The following MYCBP2 variants were observed in gnomAD, a reference collection of about 807,000 sequenced individuals.
MYCBP2 encodes the protein MYC binding protein 2.
In MYCBP2, 120 loss-of-function variants were observed where a neutral mutation model predicts 525.3. The ratio of observed to expected loss-of-function variants is 0.23; its 90% CI spans 0.20 to 0.27. The LOEUF (loss-of-function observed/expected upper bound fraction) is 0.27, where lower values mean the gene tolerates loss of function less well. Ranked by LOEUF, MYCBP2 falls within the 10% of genes least tolerant of loss-of-function variation. The probability of loss-of-function intolerance (pLI) is 1.00; values close to 1 mark genes in which losing one functional copy is unlikely to be tolerated. For synonymous variants in MYCBP2, 1,894 were observed against 1,955.8 expected (o/e 0.97, Z 0.83); for missense variants, 4,149 against 5,657.1 (o/e 0.73, Z 8.55).
intron 18 of MYCBP2, 138 bp downstream of exon 18, chr13:77,233,018 T>G (rs190049794): frequency 1.6e-6 from 1 of 611,006 alleles, no homozygotes; most frequent in Non-Finnish European, 2.8e-6. Context: ...ACTTTCAGAA[T>G]GTTCTTTCTC....
intron 68 of MYCBP2, among the ~76,000 whole-genome samples, chr13:77,073,194 T>C (rs2154090657): frequency 6.6e-6 from 1 of 152,222 alleles, no homozygotes; most frequent in African/African-American, 2.4e-5. Flanking sequence ...GTATACAAGC[T>C]AGTATCACAT....
chr13:77,127,770 G>A (rs995663671), intron 52 of MYCBP2, among the ~76,000 whole-genome samples: 5 of 151,696 alleles, frequency 3.3e-5, no homozygotes, highest in Non-Finnish European at 4.4e-5. Context: ...AGAATCCTCA[G>A]GTTTAAAAAT....
chr13:77,090,849 T>A (rs537168302), intron 59 of MYCBP2, among the ~76,000 whole-genome samples: 91 of 152,276 alleles, frequency 6.0e-4, no homozygotes, highest in African/African-American at 1.9e-3. Flanking sequence ...TTATTCAGGC[T>A]TAAGTAAACT....
chr13:77,168,572 C>A lies in MYCBP2; in HGVS notation c.5970G>T (p.Pro1990=), dbSNP rs189522156. The A allele has an allele frequency of 4.3e-6, 7 of 1,614,052 alleles. No individual in the cohort carries two copies. In the Admixed American group the frequency reaches 1.0e-4, roughly 23 times the overall value. ...SVAILNQKYA[P]PAFNPNQSTD... Reference sequence around the variant, plus strand: ...TCGACTGATTAGGGTTGAAGGCAGGCGGTGCATACTTCTGATTCAAAATGG... The same window carrying A: ...TCGACTGATTAGGGTTGAAGGCAGGAGGTGCATACTTCTGATTCAAAATGG... Residue 1990 remains proline (P), a synonymous_variant, in exon 40 of 83, where the codon CCG becomes CCT. Coordinates refer to ENST00000544440, the MANE Select transcript of MYCBP2 (RefSeq NM_015057.5).
At chr13:77,139,599 C>T (rs1399975775) in intron 51 of MYCBP2, among the ~76,000 whole-genome samples, 1 of 152,142 alleles carries the variant, frequency 6.6e-6, no homozygotes, top group Non-Finnish European at 1.5e-5. Flanking sequence ...CTTTAAGATA[C>T]ATAAACAGTA....
Position 77,257,778 on chromosome 13 carries a change from T to C in MYCBP2, c.2069A>G (p.Lys690Arg). Reference protein sequence around the residue: ...GHFVTQVAMGKAHTCVLMKNG... With the variant: ...GHFVTQVAMGRAHTCVLMKNG... ...CTTCATTAAAACACAAGTGTGAGCT[T>C]TGCCCATAGCTACCTGAGTTACAAA... The change falls in exon 14 of 83, where the codon AAA (lysine) becomes AGA (arginine). Residue 690 changes from lysine (K) to arginine (R), a missense_variant. By Grantham distance (26) the Lys-to-Arg change is conservative. Transcript: ENST00000544440. 1 of 1,613,210 alleles carries C rather than the reference T, an allele frequency of 6.2e-7. No homozygotes were observed. Among genetic ancestry groups the C allele is most frequent in the Non-Finnish European group, 8.5e-7 (1 of 1,179,686 alleles).
chr13:77,240,537 G>C (rs2068661735), intron 17 of MYCBP2, among the ~76,000 whole-genome samples: 1 of 152,188 alleles, frequency 6.6e-6, no homozygotes, highest in Non-Finnish European at 1.5e-5. Flanking sequence ...GAACCTGGGA[G>C]GGAGAGGTTG....
intron 26 of MYCBP2, among the ~76,000 whole-genome samples, chr13:77,196,610 A>C (rs2061781281): frequency 1.3e-5 from 2 of 152,228 alleles, no homozygotes; most frequent in South Asian, 4.1e-4. Flanking sequence ...TGTAAAAGAA[A>C]GAGTAGAATC....
chr13:77,157,362 T>C (rs1300930358), intron 45 of MYCBP2, among the ~76,000 whole-genome samples: 1 of 152,212 alleles, frequency 6.6e-6, no homozygotes, highest in African/African-American at 2.4e-5. Flanking sequence ...TAGCTGGGAC[T>C]ACAGGAGTGT....
At chr13:77,254,359 T>C (rs951235954) in intron 14 of MYCBP2, among the ~76,000 whole-genome samples, 1 of 151,854 alleles carries the variant, frequency 6.6e-6, no homozygotes, top group African/African-American at 2.4e-5. Context: ...TATGGGGCAC[T>C]TGAATCTTAT....
intron 26 of MYCBP2, among the ~76,000 whole-genome samples, chr13:77,198,755 C>G (rs1172056803): frequency 1.3e-5 from 2 of 152,180 alleles, no homozygotes; most frequent in African/African-American, 4.8e-5. Context: ...TCTCACTCCT[C>G]CCGGTCTCCA....
chr13:77,208,437 G>T (rs2063601488), intron 23 of MYCBP2, among the ~76,000 whole-genome samples: 1 of 152,048 alleles, frequency 6.6e-6, no homozygotes, highest in Non-Finnish European at 1.5e-5. Flanking sequence ...CTGTAGCATT[G>T]TAGGTAGTAT....
In MYCBP2 at chr13:77,089,479, T is replaced by G. The variant is rs569264365; in HGVS notation, c.10526-448A>C. Reference sequence around the variant, plus strand: ...AAAAGTCTTCAGTAAGATAACTTAATCATCTGACTATAATTTTTAGGCCAA... The same window carrying G: ...AAAAGTCTTCAGTAAGATAACTTAAGCATCTGACTATAATTTTTAGGCCAA... On this transcript the variant is annotated intron_variant, in intron 60 of 82. Transcript: ENST00000544440. Among the ~76,000 whole-genome samples the G allele has an allele frequency of 2.8e-4, 43 of 152,258 alleles. 1 individual carries two copies. The South Asian group carries it at 6.2e-3, about 22-fold the overall frequency.
chr13:77,309,612 G>A (rs559897778), intron 1 of MYCBP2, among the ~76,000 whole-genome samples: 4 of 152,188 alleles, frequency 2.6e-5, no homozygotes, highest in African/African-American at 9.6e-5. Context: ...TTGAGATCTA[G>A]TCACCTGCTA....
In MYCBP2 at chr13:77,273,673, G is replaced by A. The variant is rs1170256848; in HGVS notation, c.749-5C>T. 2 of 1,483,470 alleles carry A rather than the reference G, an allele frequency of 1.3e-6. No individual in the cohort carries two copies. Among genetic ancestry groups the A allele is most frequent in the South Asian group, 1.5e-5 (1 of 67,106 alleles). The allele number at this position is 1,483,470 out of a possible 1,614,324, so 91.9% of individuals were successfully genotyped here. ...AAAGAAGCTGGAAGAGAGACTCTGT[G>A]GATAAAATAGAATTCAATTATATTC... On this transcript the variant is annotated splice_polypyrimidine_tract_variant and splice_region_variant and intron_variant, in intron 4 of 82. Coordinates refer to ENST00000544440, the MANE Select transcript of MYCBP2 (RefSeq NM_015057.5).
intron 14 of MYCBP2, among the ~76,000 whole-genome samples, chr13:77,252,852 C>T (rs2071456758): frequency 6.6e-6 from 1 of 152,078 alleles, no homozygotes; most frequent in Non-Finnish European, 1.5e-5. Context: ...CTAAAATGTA[C>T]TGAGCACTAT....
chr13:77,060,550 A>C (rs2039091649), intron 76 of MYCBP2, among the ~76,000 whole-genome samples: 1 of 152,254 alleles, frequency 6.6e-6, no homozygotes, highest in African/African-American at 2.4e-5. Flanking sequence ...CATAACTTTG[A>C]ACTAGGAATA....
intron 36 of MYCBP2, among the ~76,000 whole-genome samples, chr13:77,175,758 C>T (rs1385028411): frequency 2.0e-5 from 3 of 152,038 alleles, no homozygotes; most frequent in South Asian, 2.1e-4. Context: ...GGCAGGAGTT[C>T]GAGACCAGCC....
At chr13:77,213,539 T>C (rs181942813) in intron 21 of MYCBP2, among the ~76,000 whole-genome samples, 52 of 152,288 alleles carry the variant, frequency 3.4e-4, no homozygotes, top group Non-Finnish European at 2.2e-4. Flanking sequence ...ATATTCTGCT[T>C]TTGGAGGAAA....
Sources: allele counts gnomAD v4.1 joint callset (sites outside exome capture counted in the v4.1 genomes callset), GRCh38; gene constraint gnomAD v4.1.1; transcripts MANE v1.5; gene names NCBI Gene and HGNC (gene_info 2026-07-23, HGNC 2026-07-21).